Variants in PDE10A observed in about 807,000 individuals in gnomAD.
PDE10A encodes phosphodiesterase 10A, also known as cAMP and cAMP-inhibited cGMP 3',5'-cyclic phosphodiesterase 10A.
A neutral mutation model predicts 97.7 loss-of-function variants in PDE10A; 39 were observed. The ratio of observed to expected loss-of-function variants is 0.40; its 90% CI spans 0.31 to 0.52. The LOEUF (loss-of-function observed/expected upper bound fraction) is 0.52. PDE10A is among the 20% of genes least tolerant of loss of function. The pLI is 0.56. For missense variants in PDE10A, 731 were observed against 1,047.8 expected (o/e 0.70, Z 4.17); for synonymous variants, 371 against 376.8 (o/e 0.98, Z 0.18).
intron 1 of PDE10A, among the ~76,000 whole-genome samples, chr6:165,897,624 C>A (rs1781990219): frequency 6.6e-6 from 1 of 151,498 alleles, no homozygotes; most frequent in African/African-American, 2.4e-5. Context: ...AGGACCAGAC[C>A]CGCCCCCCAG....
At chr6:165,933,378 C>T (rs1039841976) in intron 1 of PDE10A, among the ~76,000 whole-genome samples, 18 of 152,192 alleles carry the variant, frequency 1.2e-4, no homozygotes, top group African/African-American at 9.7e-5. Flanking sequence ...GCATAGCACA[C>T]GTCCATTCAT....
chr6:165,435,157 TA>T (rs1789905674), intron 6 of PDE10A, 79 bp downstream of exon 6: 14 of 1,194,212 alleles, frequency 1.2e-5, no homozygotes, highest in Non-Finnish European at 2.4e-6. Flanking sequence ...ATTTAAATTA[TA>T]ACATCAAAAT....
intron 1 of PDE10A, among the ~76,000 whole-genome samples, chr6:165,883,242 TAAAAG>T (rs938265518): frequency 1.3e-4 from 20 of 148,936 alleles, no homozygotes; most frequent in Admixed American, 8.7e-4. Flanking sequence ...TCAAAGAAAA[TAAAAG>T]AAGAAGAAGG....
Position 165,388,497 on chromosome 6 carries a change from C to T in PDE10A, c.2455-44G>A. ...TGCAGAGATGCTCAAAACACAGAAA[C>T]ACACATGAGCAGACTTACCGCTTAC... On this transcript the variant is annotated intron_variant, in intron 16 of 21. Coordinates refer to ENST00000539869, the MANE Select transcript of PDE10A (RefSeq NM_001385079.1). The surrounding 1 kb of genome is among the most constrained non-coding windows in gnomAD (Gnocchi z 4.0). 1 of 1,572,932 alleles carries T rather than the reference C, an allele frequency of 6.4e-7. No individual in the cohort carries two copies. The highest frequency in any genetic ancestry group is 8.7e-7 in the Non-Finnish European group (1 of 1,145,128).
intron 2 of PDE10A, among the ~76,000 whole-genome samples, chr6:165,522,341 C>T (rs1379090980): frequency 2.0e-5 from 3 of 152,052 alleles, no homozygotes; most frequent in African/African-American, 7.2e-5. Context: ...GGCAAAGACA[C>T]AATGCAAAAA....
chr6:165,437,825 T>C (rs1790131551), intron 5 of PDE10A, among the ~76,000 whole-genome samples: 1 of 152,222 alleles, frequency 6.6e-6, no homozygotes, highest in Non-Finnish European at 1.5e-5. Context: ...GTGGTTCCCT[T>C]CTGTGTTGTT....
intron 1 of PDE10A, among the ~76,000 whole-genome samples, chr6:165,772,023 C>T (rs58127722): frequency 0.028 from 4,300 of 152,248 alleles, 136 homozygotes; most frequent in African/African-American, 0.079. Context: ...GTCTTTTCAC[C>T]GCCCTGTCTT....
chr6:165,665,415 G>GGAGA (rs1274072805), upstream of PDE10A, among the ~76,000 whole-genome samples: 1 of 152,156 alleles, frequency 6.6e-6, no homozygotes, highest in African/African-American at 2.4e-5. Context: ...ATCAGAAGGA[G>GGAGA]GAGAGGGCTG....
intron 1 of PDE10A, among the ~76,000 whole-genome samples, chr6:165,616,891 T>C (rs1013003854): frequency 2.0e-5 from 3 of 152,218 alleles, no homozygotes; most frequent in Non-Finnish European, 4.4e-5. Flanking sequence ...TTTCTTGGTG[T>C]ATTTTACTAA....
At chr6:165,430,606 A>AACATCTTAACGT (rs35445883) in intron 8 of PDE10A, among the ~76,000 whole-genome samples, 1 of 152,064 alleles carries the variant, frequency 6.6e-6, no homozygotes, top group African/African-American at 2.4e-5. Flanking sequence ...ATGGACTTAT[A>AACATCTTAACGT]AAGATGTTAA....
intron 1 of PDE10A, among the ~76,000 whole-genome samples, chr6:165,816,550 T>TTTCTTATTG (rs1249557497): frequency 2.0e-5 from 3 of 152,238 alleles, no homozygotes; most frequent in African/African-American, 7.2e-5. Flanking sequence ...ACGGGGGCCT[T>TTTCTTATTG]GCTTCAGTTT....
At chr6:165,869,551 C>T (rs1447911201) in intron 1 of PDE10A, among the ~76,000 whole-genome samples, 1 of 152,066 alleles carries the variant, frequency 6.6e-6, no homozygotes, top group Non-Finnish European at 1.5e-5. Context: ...GATGCGTCCC[C>T]TATCAAAATA....
chr6:165,429,470 G>A (rs1052614292), intron 9 of PDE10A, among the ~76,000 whole-genome samples: 1 of 152,046 alleles, frequency 6.6e-6, no homozygotes, highest in African/African-American at 2.4e-5. Context: ...AAAACTAAAT[G>A]TAACATAAAC....
At chr6:165,767,434 A>G (rs988611352) in intron 1 of PDE10A, among the ~76,000 whole-genome samples, 1 of 152,088 alleles carries the variant, frequency 6.6e-6, no homozygotes, top group African/African-American at 2.4e-5. Context: ...GTTGGCAGCC[A>G]CTCTCCATTC....
intron 1 of PDE10A, among the ~76,000 whole-genome samples, chr6:165,599,835 G>A (rs1046245635): frequency 6.6e-5 from 10 of 152,044 alleles, no homozygotes; most frequent in South Asian, 4.1e-4. Context: ...CTTCCTCCCC[G>A]GTTTGGCATC....
chr6:165,883,554 T>A (rs4991913), intron 1 of PDE10A, among the ~76,000 whole-genome samples: 9,715 of 148,290 alleles, frequency 0.066, 599 homozygotes, highest in African/African-American at 0.16. Context: ...AAAAAAAAAA[T>A]AAATAAAAAT....
intron 1 of PDE10A, among the ~76,000 whole-genome samples, chr6:165,969,774 C>A (rs531032797): frequency 1.3e-5 from 2 of 152,208 alleles, no homozygotes; most frequent in South Asian, 2.1e-4. Flanking sequence ...AAACCTGGGA[C>A]AATTTAAGCT....
At chr6:165,884,629 A>G (rs1255517250) in intron 1 of PDE10A, among the ~76,000 whole-genome samples, 2 of 152,392 alleles carry the variant, frequency 1.3e-5, no homozygotes, top group East Asian at 1.9e-4. Context: ...TGACTCAAAC[A>G]TAGAAACTTA....
At chr6:165,823,482 TTATATATATATA>T (rs748139541) in intron 1 of PDE10A, among the ~76,000 whole-genome samples, 817 of 37,464 alleles carry the variant, frequency 0.022, 35 homozygotes, top group South Asian at 0.14. Context: ...ATAGTTAACT[TTATATATATATA>T]TATATATATA....
Sources: allele counts gnomAD v4.1 joint callset (sites outside exome capture counted in the v4.1 genomes callset), GRCh38; gene constraint gnomAD v4.1.1; non-coding constraint Gnocchi (gnomAD v3.1); transcripts MANE v1.5; gene names NCBI Gene and HGNC (gene_info 2026-07-23, HGNC 2026-07-21).